Variants in PRKG1 observed in about 807,000 individuals in gnomAD.
The protein encoded by PRKG1 is cGMP-dependent protein kinase 1.
PRKG1 carries 35 observed loss-of-function variants against 88.1 expected under a neutral mutation model. That is an observed-to-expected ratio of 0.40 (90% confidence interval 0.30 to 0.53). The LOEUF is 0.53. Among genes scored for constraint, PRKG1 ranks in the 20% least tolerant of loss-of-function variants. The pLI is 0.59. For missense variants in PRKG1, 540 were observed against 839.8 expected (o/e 0.64, Z 4.41); for synonymous variants, 303 against 292.5 (o/e 1.04, Z -0.37).
chr10:51,857,038 C>A (rs1375657719), intron 4 of PRKG1, among the ~76,000 whole-genome samples: 1 of 151,180 alleles, frequency 6.6e-6, no homozygotes, highest in African/African-American at 2.4e-5. Context: ...GCTGCTGCAA[C>A]TTTGCAACTT....
chr10:51,813,765 G>A (rs1839515348), intron 4 of PRKG1, among the ~76,000 whole-genome samples: 1 of 152,046 alleles, frequency 6.6e-6, no homozygotes, highest in Non-Finnish European at 1.5e-5. Context: ...TCAGCCTTAG[G>A]TTGATTTTGT....
intron 3 of PRKG1, among the ~76,000 whole-genome samples, chr10:51,546,130 A>G (rs1842439986): frequency 6.6e-6 from 1 of 151,544 alleles, no homozygotes; most frequent in Non-Finnish European, 1.5e-5. Flanking sequence ...CAGATAATTC[A>G]TGAGTTTATT....
intron 1 of PRKG1, among the ~76,000 whole-genome samples, chr10:50,993,900 CCTT>C (rs1842807318): frequency 3.9e-5 from 6 of 152,218 alleles, no homozygotes; most frequent in Admixed American, 3.9e-4. Flanking sequence ...CTTCTTCTGT[CCTT>C]CTCTCTTCCC....
chr10:51,224,930 C>G (rs562692585), intron 2 of PRKG1, among the ~76,000 whole-genome samples: 1 of 152,180 alleles, frequency 6.6e-6, no homozygotes, highest in South Asian at 2.1e-4. Flanking sequence ...AGCCATGCCC[C>G]TGCTTCCCAT....
At chr10:51,263,530 C>G (rs1839766383) in intron 2 of PRKG1, among the ~76,000 whole-genome samples, 1 of 152,128 alleles carries the variant, frequency 6.6e-6, no homozygotes, top group Non-Finnish European at 1.5e-5. Context: ...GAAGGTATTA[C>G]TTATAGAACT....
At chr10:51,152,105 A>G (rs957843059) in intron 1 of PRKG1, among the ~76,000 whole-genome samples, 5 of 152,002 alleles carry the variant, frequency 3.3e-5, no homozygotes, top group Non-Finnish European at 2.9e-5. Context: ...CCTCCTGATA[A>G]AATATTTCTT....
chr10:51,899,419 C>A (rs954017284), intron 4 of PRKG1, among the ~76,000 whole-genome samples: 2 of 151,454 alleles, frequency 1.3e-5, no homozygotes, highest in African/African-American at 4.8e-5. Flanking sequence ...CATCTCAGCA[C>A]TTTGGAAGAC....
chr10:51,735,496 A>AT (rs1164878073), intron 3 of PRKG1, among the ~76,000 whole-genome samples: 1 of 152,148 alleles, frequency 6.6e-6, no homozygotes, highest in Non-Finnish European at 1.5e-5. Flanking sequence ...GAATGAGGAC[A>AT]TTTGGATACC....
At chr10:52,038,804 C>T (rs774689574) in intron 5 of PRKG1, among the ~76,000 whole-genome samples, 21 of 152,070 alleles carry the variant, frequency 1.4e-4, no homozygotes, top group South Asian at 6.2e-4. Flanking sequence ...TGACCAGCGC[C>T]GGAGTTTTGG....
chr10:52,030,648 A>G (rs1341846185), intron 5 of PRKG1, among the ~76,000 whole-genome samples: 1 of 152,316 alleles, frequency 6.6e-6, no homozygotes, highest in East Asian at 1.9e-4. Flanking sequence ...GAAGTCAGCG[A>G]TGGGAAGTGA....
At chr10:52,183,236 G>A (rs538558856) in intron 9 of PRKG1, among the ~76,000 whole-genome samples, 2 of 152,286 alleles carry the variant, frequency 1.3e-5, no homozygotes, top group East Asian at 3.9e-4. Context: ...TACCTGCCTG[G>A]GGCAGCCCAC....
At chr10:51,015,079 C>T (rs1437502813) in intron 1 of PRKG1, among the ~76,000 whole-genome samples, 1 of 152,172 alleles carries the variant, frequency 6.6e-6, no homozygotes, top group Non-Finnish European at 1.5e-5. Flanking sequence ...AGCAAAAAAC[C>T]ACACCCATAT....
chr10:51,821,641 A>G (rs140310372), intron 4 of PRKG1, among the ~76,000 whole-genome samples: 1 of 152,088 alleles, frequency 6.6e-6, no homozygotes, highest in Non-Finnish European at 1.5e-5. Context: ...TATTTAGCAC[A>G]TTGACCTATA....
chr10:51,392,166 G>A (rs1317964527), intron 2 of PRKG1, among the ~76,000 whole-genome samples: 1 of 151,464 alleles, frequency 6.6e-6, no homozygotes, highest in Admixed American at 6.6e-5. Context: ...TCATTCTTGG[G>A]TGTTTCTCGC....
At chr10:51,040,831 C>T (rs569024688) in intron 1 of PRKG1, among the ~76,000 whole-genome samples, 1 of 152,016 alleles carries the variant, frequency 6.6e-6, no homozygotes, top group Admixed American at 6.6e-5. Context: ...CTGAATTTAT[C>T]AGTCCTAATA....
chr10:51,691,250 G>A (rs946649447), intron 3 of PRKG1, among the ~76,000 whole-genome samples: 1 of 148,646 alleles, frequency 6.7e-6, no homozygotes, highest in Admixed American at 6.7e-5. Flanking sequence ...TTTGTTGCTG[G>A]TTGATTTTGC....
chr10:51,850,637 T>C lies in PRKG1; in HGVS notation c.698+45947T>C, dbSNP rs539922356. ...ATCTCCTTAATATGTAAAGAGTTTC[T>C]TGAAATAAAGAAAACATACCTACAG... On this transcript the variant is annotated intron_variant, in intron 4 of 17. Transcript: ENST00000373980. Among the ~76,000 whole-genome samples the C allele has an allele frequency of 8.7e-4, 133 of 152,212 alleles. No homozygotes were observed. In the South Asian group the frequency reaches 0.01, roughly 12 times the overall value.
chr10:51,293,146 C>T (rs1400071114), intron 2 of PRKG1, among the ~76,000 whole-genome samples: 1 of 152,066 alleles, frequency 6.6e-6, no homozygotes, highest in Non-Finnish European at 1.5e-5. Context: ...GAAATAATCA[C>T]CACAATCAGA....
At chr10:52,050,508 C>T (rs1293496636) in intron 5 of PRKG1, among the ~76,000 whole-genome samples, 1 of 152,154 alleles carries the variant, frequency 6.6e-6, no homozygotes, top group Admixed American at 6.6e-5. Context: ...CTTAAAGAAT[C>T]AGCATGCAAG....
Sources: allele counts gnomAD v4.1 joint callset (sites outside exome capture counted in the v4.1 genomes callset), GRCh38; gene constraint gnomAD v4.1.1; transcripts MANE v1.5; gene names NCBI Gene and HGNC (gene_info 2026-07-23, HGNC 2026-07-21).